EML4: variants seen among roughly 807,000 people sequenced by gnomAD.
EML4 encodes echinoderm microtubule-associated protein-like 4.
In EML4, 72 loss-of-function variants were observed where a neutral mutation model predicts 129.0. That is an observed-to-expected ratio of 0.56 (90% confidence interval 0.46 to 0.68). The LOEUF (loss-of-function observed/expected upper bound fraction) is 0.68, where lower values mean the gene tolerates loss of function less well. Ranked by LOEUF, EML4 falls within the 30% of genes least tolerant of loss-of-function variation. The pLI, the probability that EML4 is intolerant of heterozygous loss-of-function variation, is 0.00. For synonymous variants in EML4, 532 were observed against 405.0 expected (o/e 1.31, Z -3.77); for missense variants, 1,363 against 1,190.6 (o/e 1.14, Z -2.13).
chr2:42,258,839 A>T (rs1278898640), intron 3 of EML4, among the ~76,000 whole-genome samples: 2 of 152,278 alleles, frequency 1.3e-5, no homozygotes, highest in Non-Finnish European at 2.9e-5. Flanking sequence ...ATAACATTTT[A>T]AACTATTATA....
intron 1 of EML4, among the ~76,000 whole-genome samples, chr2:42,242,309 A>G (rs984741585): frequency 2.6e-5 from 4 of 152,234 alleles, no homozygotes; most frequent in Non-Finnish European, 4.4e-5. Context: ...AAATATATCC[A>G]TATAGTTTAC....
intron 21 of EML4, among the ~76,000 whole-genome samples, chr2:42,327,264 T>C (rs917419270): frequency 6.6e-6 from 1 of 152,258 alleles, no homozygotes; most frequent in African/African-American, 2.4e-5. Context: ...ACACTTGGGC[T>C]GTTTCTACTT....
At chr2:42,231,055 T>G (rs1169333754) in intron 1 of EML4, among the ~76,000 whole-genome samples, 1 of 152,200 alleles carries the variant, frequency 6.6e-6, no homozygotes, top group African/African-American at 2.4e-5. Flanking sequence ...ACCCTTTCCA[T>G]CTTCAATCAC....
chr2:42,230,639 C>A (rs1024922798), intron 1 of EML4, among the ~76,000 whole-genome samples: 2 of 152,172 alleles, frequency 1.3e-5, no homozygotes, highest in African/African-American at 4.8e-5. Context: ...CTCCTGACCT[C>A]AGGCGATCCC....
At chr2:42,298,842 C>G (rs1427552142) in intron 13 of EML4, among the ~76,000 whole-genome samples, 1 of 152,144 alleles carries the variant, frequency 6.6e-6, no homozygotes, top group Non-Finnish European at 1.5e-5. Context: ...AACTCCCACA[C>G]CTTTGCTTTT....
At chr2:42,296,152 A>G (rs1667937802) in intron 13 of EML4, among the ~76,000 whole-genome samples, 1 of 152,200 alleles carries the variant, frequency 6.6e-6, no homozygotes, top group Non-Finnish European at 1.5e-5. Context: ...CTATTTAAGA[A>G]TAATCAAACT....
chr2:42,275,480 G>T (rs1666605646), intron 6 of EML4, among the ~76,000 whole-genome samples: 2 of 152,162 alleles, frequency 1.3e-5, no homozygotes, highest in South Asian at 2.1e-4. Context: ...TTCCCCTTCT[G>T]TAAAAGGAGG....
chr2:42,206,755 T>C (rs574442543), intron 1 of EML4, among the ~76,000 whole-genome samples: 1 of 152,316 alleles, frequency 6.6e-6, no homozygotes, highest in South Asian at 2.1e-4. Context: ...GTGCATCATG[T>C]ATATTATTTT....
chr2:42,261,245 C>A lies in EML4; in HGVS notation c.463C>A (p.Gln155Lys). The A allele has an allele frequency of 6.2e-7, 1 of 1,613,898 alleles. No homozygotes were observed. The highest frequency in any genetic ancestry group is 2.2e-5 in the East Asian group (1 of 44,858). ...PSPQPSSQPL[Q>K]IHRQTPESKN... ...TCCCCAGCCCTCTTCACAACCTCTC[C>A]AAATACACAGACAAACTCCAGAAAG... is the stretch of plus-strand genomic sequence containing the variant. Residue 155 changes from glutamine to lysine, a missense_variant, in exon 4 of 23, where the codon CAA becomes AAA. Coordinates refer to ENST00000318522, the MANE Select transcript of EML4 (RefSeq NM_019063.5).
At chr2:42,204,337 A>G (rs1401155611) in intron 1 of EML4, among the ~76,000 whole-genome samples, 1 of 152,220 alleles carries the variant, frequency 6.6e-6, no homozygotes, top group African/African-American at 2.4e-5. Flanking sequence ...GTCTGATTTC[A>G]GTACCTACAG....
At chr2:42,317,827 G>T (rs1031195988) in intron 19 of EML4, among the ~76,000 whole-genome samples, 5 of 152,138 alleles carry the variant, frequency 3.3e-5, no homozygotes, top group African/African-American at 4.8e-5. Flanking sequence ...GAATGAGTCA[G>T]AAATAAAAGA....
intron 1 of EML4, among the ~76,000 whole-genome samples, chr2:42,234,027 A>G (rs1674510896): frequency 6.6e-6 from 1 of 152,252 alleles, no homozygotes; most frequent in East Asian, 1.9e-4. Flanking sequence ...ATAGTGCATT[A>G]ATTCATGCTT....
chr2:42,202,497 C>T (rs999475065), intron 1 of EML4, among the ~76,000 whole-genome samples: 1 of 152,136 alleles, frequency 6.6e-6, no homozygotes, highest in African/African-American at 2.4e-5. Context: ...GGAATATTGA[C>T]TCACATGATC....
intron 1 of EML4, among the ~76,000 whole-genome samples, chr2:42,191,289 C>A (rs925615331): frequency 6.6e-6 from 1 of 152,052 alleles, no homozygotes; most frequent in Non-Finnish European, 1.5e-5. Flanking sequence ...TCTGTCTCTT[C>A]CATTTCTCTC....
intron 11 of EML4, among the ~76,000 whole-genome samples, chr2:42,291,633 T>G (rs749391048): frequency 6.6e-6 from 1 of 152,100 alleles, no homozygotes. Context: ...CTCAAACTCC[T>G]GATCTCAAGT....
intron 1 of EML4, among the ~76,000 whole-genome samples, chr2:42,217,609 C>T (rs976702814): frequency 6.6e-6 from 1 of 151,988 alleles, no homozygotes; most frequent in Non-Finnish European, 1.5e-5. Flanking sequence ...ATACTGTACC[C>T]ATGAAAAAGA....
intron 1 of EML4, among the ~76,000 whole-genome samples, chr2:42,173,655 C>T (rs1321645612): frequency 6.6e-6 from 1 of 151,926 alleles, no homozygotes; most frequent in Non-Finnish European, 1.5e-5. Context: ...TTGAGACCAG[C>T]CTGGGCAACA....
Position 42,303,383 on chromosome 2 carries a change from G to A in EML4, c.1836G>A (p.Gln612=), listed in dbSNP as rs758871799. The change falls in exon 16 of 23, where the codon CAG becomes CAA. Residue 612 remains glutamine (Q), a synonymous_variant. Coordinates refer to ENST00000318522, the MANE Select transcript of EML4 (RefSeq NM_019063.5). The part of the protein sequence containing the change: ...PFKDLLLTCA[Q]DRQVCLWNSM... ...AAGATTTGCTCTTGACATGTGCTCA[G>A]GACAGGCAGGTGTGCCTGTGGAACT... 1.2e-6 allele frequency: 2 copies of A among 1,614,106 alleles called. No homozygotes were observed. Among genetic ancestry groups the A allele is most frequent in the Non-Finnish European group, 1.7e-6 (2 of 1,179,968 alleles).
chr2:42,211,556 G>C (rs1197499116), intron 1 of EML4, among the ~76,000 whole-genome samples: 1 of 152,212 alleles, frequency 6.6e-6, no homozygotes, highest in African/African-American at 2.4e-5. Flanking sequence ...AGTGTGATAT[G>C]CCTAAAGTGG....
Sources: allele counts gnomAD v4.1 joint callset (sites outside exome capture counted in the v4.1 genomes callset), GRCh38; gene constraint gnomAD v4.1.1; transcripts MANE v1.5; gene names NCBI Gene and HGNC (gene_info 2026-07-23, HGNC 2026-07-21).